The following OSBPL10 variants were observed in gnomAD, a reference collection of about 807,000 sequenced individuals.
The protein encoded by OSBPL10 is oxysterol-binding protein-related protein 10.
OSBPL10 carries 49 observed loss-of-function variants against 81.7 expected under a neutral mutation model. The ratio of observed to expected loss-of-function variants is 0.60; its 90% CI spans 0.48 to 0.76. The LOEUF is 0.76. OSBPL10 is among the 30% of genes least tolerant of loss of function. OSBPL10 has a pLI of 0.00. For synonymous variants in OSBPL10, 419 were observed against 383.6 expected (o/e 1.09, Z -1.08); for missense variants, 923 against 987.8 (o/e 0.93, Z 0.88).
chr3:31,751,017 G>A (rs1391946414), intron 4 of OSBPL10, among the ~76,000 whole-genome samples: 1 of 151,926 alleles, frequency 6.6e-6, no homozygotes, highest in East Asian at 1.9e-4. Context: ...CTCTAAAAAA[G>A]CATTCAGGCC....
intron 3 of OSBPL10, among the ~76,000 whole-genome samples, chr3:31,850,539 C>T (rs1380856684): frequency 6.6e-6 from 1 of 152,036 alleles, no homozygotes; most frequent in Non-Finnish European, 1.5e-5. Flanking sequence ...CAAAAAGCTT[C>T]CAACGTGTAA....
At chr3:31,975,966 A>G (rs1006479208) in intron 1 of OSBPL10, among the ~76,000 whole-genome samples, 1 of 152,242 alleles carries the variant, frequency 6.6e-6, no homozygotes, top group African/African-American at 2.4e-5. Context: ...AGCATGTCAG[A>G]TAATAGCAAG....
At chr3:31,793,102 T>C (rs1211197043) in intron 4 of OSBPL10, among the ~76,000 whole-genome samples, 1 of 152,162 alleles carries the variant, frequency 6.6e-6, no homozygotes, top group Non-Finnish European at 1.5e-5. Context: ...GTTCCACTAT[T>C]TCCCACAGCC....
At chr3:31,959,481 G>A (rs1429673210) in intron 1 of OSBPL10, among the ~76,000 whole-genome samples, 1 of 152,128 alleles carries the variant, frequency 6.6e-6, no homozygotes. Flanking sequence ...AATACCCCAG[G>A]ATCACTGGGT....
chr3:31,993,472 T>G (rs913533261), intron 2 of OSBPL10, among the ~76,000 whole-genome samples: 5 of 152,026 alleles, frequency 3.3e-5, no homozygotes, highest in Non-Finnish European at 7.4e-5. Flanking sequence ...CCTCCCAAAG[T>G]GCTGGGATTA....
intron 1 of OSBPL10, among the ~76,000 whole-genome samples, chr3:31,950,401 C>T (rs1255289837): frequency 6.6e-6 from 1 of 152,128 alleles, no homozygotes; most frequent in Non-Finnish European, 1.5e-5. Flanking sequence ...AATTAAGATA[C>T]CAATGAGATA....
intron 6 of OSBPL10, among the ~76,000 whole-genome samples, chr3:31,723,284 A>G (rs1249089416): frequency 1.3e-5 from 2 of 152,202 alleles, no homozygotes; most frequent in African/African-American, 4.8e-5. Flanking sequence ...GTGGTGACAG[A>G]GCACCGCATG....
intron 2 of OSBPL10, among the ~76,000 whole-genome samples, chr3:32,005,800 A>G (rs913837156): frequency 1.3e-5 from 2 of 151,772 alleles, no homozygotes; most frequent in African/African-American, 2.4e-5. Flanking sequence ...TGTTAGCCGC[A>G]TGGTCTCAGT....
intron 2 of OSBPL10, chr3:31,990,196 A>C: frequency 6.2e-7 from 1 of 1,614,054 alleles, no homozygotes; most frequent in Non-Finnish European, 8.5e-7. Context: ...TTACAAGTGT[A>C]ATGAGTGTGG....
At chr3:31,760,277 A>G (rs990877818) in intron 4 of OSBPL10, among the ~76,000 whole-genome samples, 2 of 152,092 alleles carry the variant, frequency 1.3e-5, no homozygotes, top group African/African-American at 2.4e-5. Flanking sequence ...TTTAATTTGT[A>G]TTGAGAAAAT....
chr3:31,905,657 A>G (rs1206449476), intron 1 of OSBPL10, among the ~76,000 whole-genome samples: 3 of 151,988 alleles, frequency 2.0e-5, no homozygotes, highest in Non-Finnish European at 4.4e-5. Context: ...GCCAGAACCT[A>G]GTGAATTCTC....
At chr3:31,755,459 G>A (rs1011879162) in intron 4 of OSBPL10, among the ~76,000 whole-genome samples, 4 of 152,194 alleles carry the variant, frequency 2.6e-5, no homozygotes, top group African/African-American at 9.7e-5. Flanking sequence ...CAGAAGAGAT[G>A]CATTCATTAT....
chr3:31,943,687 G>T (rs1697600864), intron 1 of OSBPL10, among the ~76,000 whole-genome samples: 1 of 152,020 alleles, frequency 6.6e-6, no homozygotes, highest in African/African-American at 2.4e-5. Flanking sequence ...TTCTTCAGAG[G>T]CCGGGCACAG....
At chr3:31,994,274 C>A (rs1452610804) in intron 2 of OSBPL10, among the ~76,000 whole-genome samples, 1 of 152,084 alleles carries the variant, frequency 6.6e-6, no homozygotes, top group Admixed American at 6.5e-5. Flanking sequence ...TGTATTTGAA[C>A]GTGGGTGGAG....
At chr3:31,777,207 G>A (rs761969048) in intron 4 of OSBPL10, among the ~76,000 whole-genome samples, 57 of 152,156 alleles carry the variant, frequency 3.7e-4, no homozygotes, top group Middle Eastern at 3.2e-3. Context: ...ACATGCCCCT[G>A]GCTCATCTTT....
intron 2 of OSBPL10, among the ~76,000 whole-genome samples, chr3:31,995,723 T>C (rs1215991219): frequency 6.6e-6 from 1 of 152,214 alleles, no homozygotes; most frequent in Non-Finnish European, 1.5e-5. Context: ...AAGTGATAAA[T>C]GTCCATGAAA....
chr3:31,706,938 A>C (rs1348075696), intron 6 of OSBPL10, among the ~76,000 whole-genome samples: 1 of 152,088 alleles, frequency 6.6e-6, no homozygotes, highest in African/African-American at 2.4e-5. Context: ...CCTCAGACAG[A>C]TGACTCCCAC....
intron 1 of OSBPL10, among the ~76,000 whole-genome samples, chr3:31,977,858 A>G (rs1698730211): frequency 6.6e-6 from 1 of 152,146 alleles, no homozygotes; most frequent in Admixed American, 6.6e-5. Flanking sequence ...TGTTTTCCCC[A>G]TACTCTAAGT....
At chr3:31,810,691 T>C (rs1699658576) in intron 4 of OSBPL10, among the ~76,000 whole-genome samples, 1 of 152,236 alleles carries the variant, frequency 6.6e-6, no homozygotes, top group Non-Finnish European at 1.5e-5. Context: ...TACGAAGTGA[T>C]GCTCAATCTC....
Sources: allele counts gnomAD v4.1 joint callset (sites outside exome capture counted in the v4.1 genomes callset), GRCh38; gene constraint gnomAD v4.1.1; transcripts MANE v1.5; gene names NCBI Gene and HGNC (gene_info 2026-07-23, HGNC 2026-07-21).